The following CA4 variants were observed in gnomAD, a reference collection of about 807,000 sequenced individuals.
The protein encoded by CA4 is CA-IV.
CA4 carries 24 observed loss-of-function variants against 34.5 expected under a neutral mutation model. That is an observed-to-expected ratio of 0.70 (90% CI 0.50 to 0.98). CA4 has a LOEUF of 0.98. CA4 is among the 50% of genes least tolerant of loss of function. The pLI, the probability that CA4 is intolerant of heterozygous loss-of-function variation, is 0.00. For synonymous variants in CA4, 178 were observed against 170.6 expected (o/e 1.04, Z -0.34); for missense variants, 394 against 396.7 (o/e 0.99, Z 0.06).
downstream of CA4, among the ~76,000 whole-genome samples, chr17:60,160,325 C>T (rs372747599): frequency 6.6e-6 from 1 of 152,228 alleles, no homozygotes; most frequent in East Asian, 1.9e-4. Context: ...CGTTTATGCT[C>T]TAGGCACTGG....
chr17:60,159,375 C>T lies in CA4; in HGVS notation c.890C>T (p.Ala297Val). ...CGGCCGCTGCCCTGGGCCCTGCCTG[C>T]CCTGCTGGGCCCCATGCTGGCCTGC... is the stretch of plus-strand genomic sequence containing the variant. ...PGRPLPWALP[A>V]LLGPMLACLL... Residue 297 changes from alanine (A) to valine (V), a missense_variant, in exon 8 of 8, where the codon GCC (alanine) becomes GTC (valine). Physicochemically the swap from Ala to Val is moderately conservative, Grantham distance 64. Transcript: ENST00000300900. 1 of 1,612,272 alleles carries T rather than the reference C, an allele frequency of 6.2e-7. No individual in the cohort carries two copies. The highest frequency in any genetic ancestry group is 8.5e-7 in the Non-Finnish European group (1 of 1,179,582).
intron 3 of CA4, 59 bp from the exon 4 acceptor site, chr17:60,157,368 A>G (rs2145272958): frequency 6.3e-7 from 1 of 1,597,120 alleles, no homozygotes; most frequent in South Asian, 1.1e-5. Flanking sequence ...GCTGGGATGA[A>G]GAGCTAGAGG....
At chr17:60,174,802 A>T (rs143615067), downstream of CA4, among the ~76,000 whole-genome samples, 3,218 of 152,254 alleles carry the variant, frequency 0.021, 135 homozygotes, top group African/African-American at 0.073. Flanking sequence ...AAAATTCTGT[A>T]CTCAGCCTCC....
At chr17:60,170,371 T>A (rs1359930942) in intron 5 of CA4, among the ~76,000 whole-genome samples, 1 of 152,210 alleles carries the variant, frequency 6.6e-6, no homozygotes, top group Non-Finnish European at 1.5e-5. Context: ...ATTGGACTCC[T>A]GTCCTTCCCA....
downstream of CA4, among the ~76,000 whole-genome samples, chr17:60,164,188 C>CTTTTTCTTTCTTTCTTTCTT (rs2083828576): frequency 8.4e-6 from 1 of 119,232 alleles, no homozygotes; most frequent in African/African-American, 3.2e-5. Flanking sequence ...CTCTCTTTCT[C>CTTTTTCTTTCTTTCTTTCTT]TTTTTCTTTC....
At chr17:60,156,539 C>G (rs775165795) in intron 2 of CA4, 21 bp from the exon 3 acceptor site, 2 of 1,613,854 alleles carry the variant, frequency 1.2e-6, no homozygotes, top group Non-Finnish European at 8.5e-7. Flanking sequence ...GACTCTCAGC[C>G]CACCTTCTCT....
At chr17:60,155,478 G>A (rs1161852189) in intron 2 of CA4, 111 bp downstream of exon 2, 4 of 658,474 alleles carry the variant, frequency 6.1e-6, no homozygotes, top group African/African-American at 2.3e-5. Flanking sequence ...GGCTTCCCAG[G>A]CAGATATCAG....
At chr17:60,159,660 A>C, downstream of CA4, 1 of 602,814 alleles carries the variant, frequency 1.7e-6, no homozygotes. Context: ...ATTTCTCCCA[A>C]GCAGGTACCA....
exon 6 of CA4, chr17:60,170,787 G>A (rs1041463185): frequency 1.3e-5 from 2 of 152,256 alleles, no homozygotes; most frequent in African/African-American, 4.8e-5. Context: ...AAGCCTCTCA[G>A]GTAGCTATGG....
chr17:60,166,284 A>AT (rs1163014531), intron 5 of CA4, among the ~76,000 whole-genome samples: 2 of 152,124 alleles, frequency 1.3e-5, no homozygotes, highest in African/African-American at 4.8e-5. Context: ...AACTTTCTGT[A>AT]TTTTTAGTAG....
chr17:60,154,110 C>A (rs543980451), intron 1 of CA4, among the ~76,000 whole-genome samples: 1 of 152,234 alleles, frequency 6.6e-6, no homozygotes, highest in South Asian at 2.1e-4. Context: ...GAGACCTCAG[C>A]TTTGGCTGAG....
At chr17:60,157,158 G>A (rs571409809) in intron 3 of CA4, among the ~76,000 whole-genome samples, 75 of 152,334 alleles carry the variant, frequency 4.9e-4, no homozygotes, top group Non-Finnish European at 9.8e-4. Flanking sequence ...GGAGGTGGAC[G>A]CAGAGGAGGC....
Position 60,159,494 on chromosome 17 carries a change from T to A in CA4, c.*70T>A, listed in dbSNP as rs2083760560. On this transcript the variant is annotated 3_prime_UTR_variant, in exon 8 of 8. Transcript: ENST00000300900. ...AGTTCCAGGCTTCCGGTCCTTAGCC[T>A]TCCCAGGTGGGACTTTAGGCATGAT... 6.6e-7 allele frequency: 1 copy of A among 1,515,224 alleles called. No homozygotes were observed. Among genetic ancestry groups the A allele is most frequent in the Non-Finnish European group, 9.0e-7 (1 of 1,106,666 alleles). The allele number at this position is 1,515,224 out of a possible 1,614,324, so 93.9% of individuals were successfully genotyped here. A position where few individuals can be genotyped will look rare whatever the true frequency, so the allele number is the denominator to read the frequency against.
chr17:60,160,656 A>G (rs1399971294), downstream of CA4, among the ~76,000 whole-genome samples: 1 of 151,556 alleles, frequency 6.6e-6, no homozygotes, highest in Non-Finnish European at 1.5e-5. Context: ...TCAGCTATTC[A>G]GGAGGCTGAG....
chr17:60,165,206 G>A (rs1395181842), intron 5 of CA4, among the ~76,000 whole-genome samples: 2 of 152,162 alleles, frequency 1.3e-5, no homozygotes, highest in Non-Finnish European at 2.9e-5. Context: ...TGTGGTTGGT[G>A]GCAGTTCTTT....
At position 60,156,551 on chromosome 17, in the gene CA4, C is replaced by T. The variant is rs764448379; in HGVS notation, c.113-9C>T. ...CCCGACTCTCAGCCCACCTTCTCTCCCTGCTCAGTGCCAGTCAAGTGGGGT... is the reference window on the plus strand; with the variant it reads ...CCCGACTCTCAGCCCACCTTCTCTCTCTGCTCAGTGCCAGTCAAGTGGGGT... On this transcript the variant is annotated splice_polypyrimidine_tract_variant and intron_variant, in intron 2 of 7. Transcript: ENST00000300900. 1.4e-5 allele frequency: 22 copies of T among 1,614,022 alleles called. No individual in the cohort carries two copies. Among genetic ancestry groups the T allele is most frequent in the East Asian group, 2.2e-5 (1 of 44,884 alleles).
chr17:60,151,039 C>T (rs2083583781), intron 1 of CA4, among the ~76,000 whole-genome samples: 1 of 152,266 alleles, frequency 6.6e-6, no homozygotes. Context: ...TTAATTATTC[C>T]TCTAGGTGGG....
chr17:60,157,683 C>G lies in CA4; in HGVS notation c.415-7C>G. The G allele has an allele frequency of 1.9e-6, 3 of 1,613,154 alleles. No homozygotes were observed. The highest frequency in any genetic ancestry group is 2.5e-6 in the Non-Finnish European group (3 of 1,179,088). ...AGGTCCCCTTTTCACCCCTCCACCC[C>G]GACCAGATGCACATAGTACATGAGA... is the stretch of plus-strand genomic sequence containing the variant. On this transcript the variant is annotated splice_region_variant and splice_polypyrimidine_tract_variant and intron_variant, in intron 4 of 7. Transcript: ENST00000300900.
downstream of CA4, among the ~76,000 whole-genome samples, chr17:60,174,589 T>C (rs1043209510): frequency 2.0e-5 from 3 of 152,184 alleles, no homozygotes; most frequent in African/African-American, 7.2e-5. Flanking sequence ...TGCACACTTA[T>C]CTACTCTCTT....
Sources: allele counts gnomAD v4.1 joint callset (sites outside exome capture counted in the v4.1 genomes callset), GRCh38; gene constraint gnomAD v4.1.1; transcripts MANE v1.5; gene names NCBI Gene and HGNC (gene_info 2026-07-23, HGNC 2026-07-21).